CBFA2T3: variants seen among roughly 807,000 people sequenced by gnomAD.
The protein encoded by CBFA2T3 is CBFA2/RUNX1 partner transcriptional co-repressor 3, also known as transcriptional corepressor CBFA2T3.
Under a neutral mutation model 58.6 loss-of-function variants are expected in CBFA2T3, and 31 were observed. The ratio of observed to expected loss-of-function variants is 0.53; its 90% CI spans 0.40 to 0.71. CBFA2T3 has a LOEUF of 0.71. Among genes scored for constraint, CBFA2T3 ranks in the 30% least tolerant of loss-of-function variants. The pLI, the probability that CBFA2T3 is intolerant of heterozygous loss-of-function variation, is 0.00. For missense variants in CBFA2T3, 1,076 were observed against 963.1 expected (o/e 1.12, Z -1.55); for synonymous variants, 531 against 421.9 (o/e 1.26, Z -3.17).
At chr16:88,954,894 C>T (rs1373048890) in intron 1 of CBFA2T3, among the ~76,000 whole-genome samples, 1 of 17,098 alleles carries the variant, frequency 5.8e-5, no homozygotes, top group Admixed American at 3.6e-4. Context: ...CCTGACCCTA[C>T]CCAAGGCTCC....
At chr16:88,880,935 G>A (rs945015715) in intron 9 of CBFA2T3, 147 bp from the exon 10 acceptor site, 35 of 763,700 alleles carry the variant, frequency 4.6e-5, no homozygotes, top group Non-Finnish European at 7.4e-5. Flanking sequence ...GACAAGGTCT[G>A]GCTCAGGCAC....
chr16:88,879,724 G>A (rs1238586220), intron 10 of CBFA2T3: 5 of 463,550 alleles, frequency 1.1e-5, no homozygotes, highest in South Asian at 4.0e-5. Flanking sequence ...AGGCATGTGT[G>A]TGCAAAGCTG....
intron 4 of CBFA2T3, 66 bp downstream of exon 4, chr16:88,892,178 C>T: frequency 6.4e-7 from 1 of 1,556,094 alleles, no homozygotes; most frequent in Non-Finnish European, 8.7e-7. Flanking sequence ...GTGGCCGTGG[C>T]TGCAACCTCA....
chr16:88,954,302 C>A (rs951670838), intron 1 of CBFA2T3, among the ~76,000 whole-genome samples: 1 of 152,044 alleles, frequency 6.6e-6, no homozygotes, highest in Non-Finnish European at 1.5e-5. Flanking sequence ...GTCTCCTGAC[C>A]CACCCAAGGG....
chr16:88,918,016 G>A (rs1460569979), intron 1 of CBFA2T3, among the ~76,000 whole-genome samples: 4 of 152,278 alleles, frequency 2.6e-5, no homozygotes, highest in Non-Finnish European at 5.9e-5. Flanking sequence ...GAGTGGAGGA[G>A]TGGACAGCCT....
At chr16:88,930,014 C>G (rs528459707) in intron 1 of CBFA2T3, among the ~76,000 whole-genome samples, 1 of 147,764 alleles carries the variant, frequency 6.8e-6, no homozygotes, top group Admixed American at 6.6e-5. Context: ...ATACCCACAG[C>G]TGCATCATCC....
At chr16:88,946,286 C>T (rs886461229) in intron 1 of CBFA2T3, among the ~76,000 whole-genome samples, 1 of 151,798 alleles carries the variant, frequency 6.6e-6, no homozygotes, top group Non-Finnish European at 1.5e-5. Context: ...GCACTCCACC[C>T]TGGGCAACAG....
chr16:88,901,430 G>T, intron 2 of CBFA2T3, 74 bp downstream of exon 2: 1 of 737,846 alleles, frequency 1.4e-6, no homozygotes, highest in Non-Finnish European at 2.1e-6. Context: ...CGGGCAGGAA[G>T]CTCAGAATTT....
At chr16:88,965,009 C>G (rs140760503) in intron 1 of CBFA2T3, among the ~76,000 whole-genome samples, 2,963 of 151,140 alleles carry the variant, frequency 0.02, 36 homozygotes, top group South Asian at 0.044. Flanking sequence ...TCCATCTATC[C>G]ATCCATCCAC....
At chr16:88,884,553 G>A (rs1969278271) in intron 7 of CBFA2T3, 1 of 154,508 alleles carries the variant, frequency 6.5e-6, no homozygotes. Context: ...GAGACTCCGT[G>A]CCCACCTCTC....
intron 1 of CBFA2T3, among the ~76,000 whole-genome samples, chr16:88,916,516 A>G (rs989323949): frequency 4.5e-4 from 69 of 152,132 alleles, no homozygotes; most frequent in African/African-American, 1.6e-3. Context: ...TTGCGTGTGC[A>G]TGTTGTCTGG....
At chr16:88,890,860 G>A (rs528229702) in intron 5 of CBFA2T3, among the ~76,000 whole-genome samples, 27 of 152,290 alleles carry the variant, frequency 1.8e-4, no homozygotes, top group African/African-American at 5.5e-4. Context: ...GGGATCATAG[G>A]TGCATACAAC....
At chr16:88,934,572 C>T (rs1314080288) in intron 1 of CBFA2T3, among the ~76,000 whole-genome samples, 5 of 152,238 alleles carry the variant, frequency 3.3e-5, no homozygotes, top group Admixed American at 6.5e-5. Flanking sequence ...GACCAACCCC[C>T]GCAAGGGACA....
At position 88,961,583 on chromosome 16, in the gene CBFA2T3, T is replaced by C. The variant is rs1171313480; in HGVS notation, c.151+15074A>G. Among the ~76,000 whole-genome samples, 6 of 129,398 alleles carry C rather than the reference T, an allele frequency of 4.6e-5. 1 individual carries two copies. Among genetic ancestry groups the C allele is most frequent in the African/African-American group, 1.8e-4 (6 of 32,628 alleles). The allele number at this position is 129,398 out of a possible 152,430, so 84.9% of individuals were successfully genotyped here. A position where few individuals can be genotyped will look rare whatever the true frequency, so the allele number is the denominator to read the frequency against. On this transcript the variant is annotated intron_variant, in intron 1 of 11. Transcript: ENST00000268679. ...CTCCATAGTAACCGACACTCAGCAC[T>C]GGGCATTCCCACTCCATAGTAACCG...
At chr16:88,935,829 G>A (rs1325518021) in intron 1 of CBFA2T3, among the ~76,000 whole-genome samples, 1 of 152,230 alleles carries the variant, frequency 6.6e-6, no homozygotes, top group Non-Finnish European at 1.5e-5. Flanking sequence ...ACACATCCCA[G>A]CTCATCACAG....
At position 88,961,969 on chromosome 16, in the gene CBFA2T3, A is replaced by G. The variant is rs1025927024; in HGVS notation, c.151+14688T>C. ...ACTCAGCGCTGGGCATTCCCACTGC[A>G]TAGTAACCGACACTCAGCACTGGGC... On this transcript the variant is annotated intron_variant, in intron 1 of 11. Coordinates refer to ENST00000268679, the MANE Select transcript of CBFA2T3 (RefSeq NM_005187.6). Among the ~76,000 whole-genome samples, 7 of 149,732 alleles carry G rather than the reference A, an allele frequency of 4.7e-5. No individual in the cohort carries two copies. The East Asian group carries it at 6.0e-4, about 13-fold the overall frequency.
chr16:88,930,314 C>T lies in CBFA2T3; in HGVS notation c.152-28658G>A, dbSNP rs575792357. Among the ~76,000 whole-genome samples the T allele has an allele frequency of 5.3e-5, 8 of 150,894 alleles. No individual in the cohort carries two copies. In the South Asian group the frequency reaches 1.2e-3, roughly 23 times the overall value. ...CCAATACCCACAGCTGCATGGTCCA[C>T]GCAAAAGCTACCAATACCCACAGCT... is the stretch of plus-strand genomic sequence containing the variant. On this transcript the variant is annotated intron_variant, in intron 1 of 11. Transcript: ENST00000268679.
intron 1 of CBFA2T3, chr16:88,938,854 G>A (rs1971602456): frequency 1.3e-5 from 2 of 152,222 alleles, no homozygotes; most frequent in Non-Finnish European, 2.9e-5. Flanking sequence ...AAACCCCAAA[G>A]TCAACCTGCT....
chr16:88,892,161 G>C, intron 4 of CBFA2T3, 83 bp downstream of exon 4: 1 of 1,514,234 alleles, frequency 6.6e-7, no homozygotes, highest in Non-Finnish European at 9.0e-7. Context: ...TGGAGCCCAT[G>C]TAAGGAGTGG....
Sources: gnomAD v4.1 joint callset for allele counts (sites outside exome capture counted in the v4.1 genomes callset) on GRCh38, gnomAD v4.1.1 for gene constraint, MANE v1.5 for transcripts, NCBI Gene and HGNC (gene_info 2026-07-23, HGNC 2026-07-21) for gene names.